SYK: variants seen among roughly 807,000 people sequenced by gnomAD.
The protein encoded by SYK is spleen associated tyrosine kinase.
A neutral mutation model predicts 77.8 loss-of-function variants in SYK; 16 were observed. The ratio of observed to expected loss-of-function variants is 0.21; its 90% CI spans 0.14 to 0.31. The LOEUF (loss-of-function observed/expected upper bound fraction) is 0.31. Ranked by LOEUF, SYK falls within the 10% of genes least tolerant of loss-of-function variation. SYK has a pLI of 1.00. For missense variants in SYK, 529 were observed against 814.4 expected (o/e 0.65, Z 4.26); for synonymous variants, 312 against 308.7 (o/e 1.01, Z -0.11).
intron 1 of SYK, among the ~76,000 whole-genome samples, chr9:90,824,634 A>G (rs548045308): frequency 7.8e-4 from 118 of 152,208 alleles, no homozygotes; most frequent in South Asian, 5.0e-3. Context: ...TGACCATGTT[A>G]ATGGAGGCAG....
Position 90,884,461 on chromosome 9 carries a change from A to G in SYK, c.1582-3288A>G, listed in dbSNP as rs1371170213. Among the ~76,000 whole-genome samples, 2 of 17,254 alleles carry G rather than the reference A, an allele frequency of 1.2e-4. 1 individual carries two copies. The highest frequency in any genetic ancestry group is 1.9e-4 in the Non-Finnish European group (2 of 10,790). 11.3% of individuals were successfully genotyped at this position (17,254 alleles called of 152,430 possible). On this transcript the variant is annotated intron_variant, in intron 11 of 13. Transcript: ENST00000375754. Reference sequence around the variant, plus strand: ...TGTACATATACATACACATACACATATGTGTGTACATATACATACACACAC... The same window carrying G: ...TGTACATATACATACACATACACATGTGTGTGTACATATACATACACACAC...
In SYK at chr9:90,887,838, C is replaced by T; in HGVS notation, c.1671C>T (p.Ser557=). ...TCTCCAGCAAAAGCGATGTCTGGAG[C>T]TTTGGAGTGTTGATGTGGGAAGCAT... ...YKFSSKSDVW[S]FGVLMWEAFS... The change falls in exon 12 of 14, where the codon AGC becomes AGT. Residue 557 remains serine (S), a synonymous_variant. Transcript: ENST00000375754. The T allele has an allele frequency of 6.2e-7, 1 of 1,613,256 alleles. No homozygotes were observed. Among genetic ancestry groups the T allele is most frequent in the African/African-American group, 1.3e-5 (1 of 74,964 alleles).
rs2118784873 is a variant in SYK at position 90,862,297 on chromosome 9, G to A, written c.670G>A (p.Gly224Arg). 1 of 1,614,172 alleles carries A rather than the reference G, an allele frequency of 6.2e-7. No homozygotes were observed. The highest frequency in any genetic ancestry group is 8.5e-7 in the Non-Finnish European group (1 of 1,179,990). Residue 224 changes from glycine to arginine, a missense_variant, in exon 4 of 14, where the codon GGG (glycine) becomes AGG (arginine). Coordinates refer to ENST00000375754, the MANE Select transcript of SYK (RefSeq NM_003177.7). ...LHYRIDKDKTGKLSIPEGKKF... is the reference protein window; with the variant it reads ...LHYRIDKDKTRKLSIPEGKKF... ...CTATCGCATCGACAAAGACAAGACA[G>A]GGAAGCTCTCCATCCCCGAGGGAAA...
At position 90,837,040 on chromosome 9, in the gene SYK, A is replaced by AT. The variant is rs1427723183; in HGVS notation, c.-41-6818_-41-6817insT. On this transcript the variant is annotated intron_variant, in intron 1 of 13. Transcript: ENST00000375754. The stretch of plus-strand genomic sequence containing the variant: ...TAAGAATATAGTATATGATACATAT[A>AT]ACATGCAAAATATGTGTTAATCAGT... Among the ~76,000 whole-genome samples, 195 of 152,322 alleles carry AT rather than the reference A, an allele frequency of 1.3e-3. 1 individual carries two copies. The highest frequency in any genetic ancestry group is 4.5e-3 in the African/African-American group (185 of 41,548).
intron 11 of SYK, among the ~76,000 whole-genome samples, 195 bp from the exon 12 acceptor site, chr9:90,887,554 C>T (rs1030907958): frequency 4.6e-5 from 7 of 151,626 alleles, no homozygotes; most frequent in Non-Finnish European, 1.0e-4. Context: ...TACAGGCACC[C>T]GCCACCACAC....
In SYK at chr9:90,867,199, G is replaced by A. The variant is rs2118826502; in HGVS notation, c.915G>A (p.Lys305=). ...SYSFPKPGHR[K]SSPAQGNRQE... ...CCTTCCCAAAGCCTGGCCACAGAAA[G>A]GTGCTAAAGCAACCCCTGCTTGCTG... The change falls in exon 7 of 14, where the codon AAG becomes AAA. Residue 305 remains lysine (K), a splice_region_variant and synonymous_variant. Transcript: ENST00000375754. 1.2e-6 allele frequency: 2 copies of A among 1,614,142 alleles called. No individual in the cohort carries two copies. Among genetic ancestry groups the A allele is most frequent in the Non-Finnish European group, 1.7e-6 (2 of 1,180,016 alleles).
chr9:90,891,641 C>CT (rs1195904680), intron 13 of SYK, among the ~76,000 whole-genome samples: 1 of 152,200 alleles, frequency 6.6e-6, no homozygotes, highest in Non-Finnish European at 1.5e-5. Context: ...ACAGAGGACT[C>CT]TGTTACCCTC....
chr9:90,871,530 G>A (rs766201216), intron 7 of SYK, among the ~76,000 whole-genome samples: 3 of 152,064 alleles, frequency 2.0e-5, no homozygotes, highest in Non-Finnish European at 4.4e-5. Context: ...TTTTAACTGA[G>A]CATTTTCTTT....
At chr9:90,821,221 G>T (rs1368408891) in intron 1 of SYK, among the ~76,000 whole-genome samples, 1 of 152,134 alleles carries the variant, frequency 6.6e-6, no homozygotes, top group Non-Finnish European at 1.5e-5. Context: ...AACTGTTCCA[G>T]CCTCTGCCTG....
chr9:90,839,196 G>A (rs1030702747), intron 1 of SYK, among the ~76,000 whole-genome samples: 4 of 152,214 alleles, frequency 2.6e-5, no homozygotes, highest in African/African-American at 9.6e-5. Flanking sequence ...GAGAAGGTAT[G>A]CACAGGAACA....
chr9:90,883,709 G>A (rs79856086), intron 11 of SYK, among the ~76,000 whole-genome samples: 10,859 of 152,010 alleles, frequency 0.071, 451 homozygotes, highest in East Asian at 0.17. Flanking sequence ...TGCAGCCACC[G>A]CCAACACCAA....
intron 11 of SYK, among the ~76,000 whole-genome samples, chr9:90,882,139 T>G (rs1398310057): frequency 6.6e-6 from 1 of 152,274 alleles, no homozygotes; most frequent in Non-Finnish European, 1.5e-5. Context: ...TAGGTTATTC[T>G]GAAGACAGCC....
intron 11 of SYK, among the ~76,000 whole-genome samples, chr9:90,879,658 C>CA (rs1249282369): frequency 1.3e-5 from 2 of 152,134 alleles, no homozygotes; most frequent in Non-Finnish European, 2.9e-5. Context: ...GTTGAAGTGT[C>CA]AAAAAATAGA....
chr9:90,891,050 C>G (rs531560037), intron 13 of SYK, among the ~76,000 whole-genome samples: 10 of 151,986 alleles, frequency 6.6e-5, no homozygotes, highest in Non-Finnish European at 1.3e-4. Flanking sequence ...GACAGCCAGG[C>G]CATTTACATA....
chr9:90,865,184 G>A, intron 6 of SYK, 87 bp downstream of exon 6: 2 of 1,351,452 alleles, frequency 1.5e-6, no homozygotes, highest in Admixed American at 1.7e-5. Context: ...GGAGTAGTAG[G>A]CATTGATATT....
At chr9:90,888,021 C>T (rs1300214956) in intron 12 of SYK, 132 bp downstream of exon 12, 1 of 1,190,642 alleles carries the variant, frequency 8.4e-7, no homozygotes, top group Non-Finnish European at 1.1e-6. Flanking sequence ...GTTAATGTGC[C>T]CTCAGTCTAT....
chr9:90,882,429 C>T (rs538264998), intron 11 of SYK, among the ~76,000 whole-genome samples: 31 of 152,338 alleles, frequency 2.0e-4, no homozygotes, highest in African/African-American at 7.0e-4. Context: ...TCATGTCCCC[C>T]TCTCCACCCC....
At position 90,896,995 on chromosome 9, in the gene SYK, C is replaced by T. The variant is rs1177274332; in HGVS notation, c.*1395C>T. On this transcript the variant is annotated 3_prime_UTR_variant, in exon 14 of 14. Coordinates refer to ENST00000375754, the MANE Select transcript of SYK (RefSeq NM_003177.7). ...TGAGCCAAGATCATGCCACTGCACT[C>T]CAGCTTGGGCATCACAGCGAGACTC... The T allele has an allele frequency of 4.9e-6, 1 of 204,772 alleles. No individual in the cohort carries two copies. The highest frequency in any genetic ancestry group is 1.0e-5 in the Non-Finnish European group (1 of 100,110). The allele number at this position is 204,772 out of a possible 1,614,324, so 12.7% of individuals were successfully genotyped here.
chr9:90,833,468 C>T (rs1360739557), intron 1 of SYK, among the ~76,000 whole-genome samples: 1 of 152,138 alleles, frequency 6.6e-6, no homozygotes, highest in Non-Finnish European at 1.5e-5. Flanking sequence ...AGCTCAGCCC[C>T]CCTTCATCAT....
Sources: allele counts gnomAD v4.1 joint callset (sites outside exome capture counted in the v4.1 genomes callset), GRCh38; gene constraint gnomAD v4.1.1; transcripts MANE v1.5; gene names NCBI Gene and HGNC (gene_info 2026-07-23, HGNC 2026-07-21).